LSM14B: variants seen among roughly 807,000 people sequenced by gnomAD.
LSM14B encodes the protein LSM family member 14B.
In LSM14B, 8 loss-of-function variants were observed where a neutral mutation model predicts 42.1. The ratio of observed to expected loss-of-function variants is 0.19; its 90% CI spans 0.11 to 0.34. LSM14B has a LOEUF of 0.34. LSM14B is among the 10% of genes least tolerant of loss of function. The pLI, the probability that LSM14B is intolerant of heterozygous loss-of-function variation, is 1.00. For missense variants in LSM14B, 396 were observed against 513.1 expected, an observed-to-expected ratio of 0.77 and a Z score of 2.21; for synonymous variants, 219 against 209.7, an observed-to-expected ratio of 1.04 and a Z score of -0.38.
At chr20:62,127,873 T>G (rs1213739184) in intron 3 of LSM14B, 4 of 715,700 alleles carry the variant, frequency 5.6e-6, no homozygotes, top group Non-Finnish European at 1.0e-5. Context: ...ACTCTCAGTG[T>G]TAAAGAAGGG....
At chr20:62,133,172 TC>T in intron 7 of LSM14B, 117 bp from the exon 8 acceptor site, 1 of 1,283,476 alleles carries the variant, frequency 7.8e-7, no homozygotes, top group Non-Finnish European at 1.1e-6. Flanking sequence ...GGCCGCCCCT[TC>T]CCTGTAGTGG....
rs200356716 is a variant in LSM14B, at chr20:62,133,443, C to T, written c.1140C>T (p.Ala380=). 9.5e-5 allele frequency: 153 copies of T among 1,612,614 alleles called. No individual in the cohort carries two copies. In the African/African-American group the frequency reaches 1.5e-3, roughly 16 times the overall value. ...TTRRNPTSHR[A]GTGRV ...GTCGCAACCCCACTTCCCACAGGGC[C>T]GGGACTGGCAGGGTGTGAGGGTGCA... Residue 380 remains alanine, a synonymous_variant, in exon 8 of 9, where the codon GCC becomes GCT. Transcript: ENST00000279068.
Position 62,133,431 on chromosome 20 carries a change from T to C in LSM14B, c.1128T>C (p.Thr376=), listed in dbSNP as rs1429947618. The C allele has an allele frequency of 2.5e-6, 4 of 1,612,860 alleles. No homozygotes were observed. In the African/African-American group the frequency reaches 4.0e-5, roughly 16 times the overall value. Residue 376 remains threonine (T), a synonymous_variant, in exon 8 of 9, where the codon ACT becomes ACC. Coordinates refer to ENST00000279068, the MANE Select transcript of LSM14B (RefSeq NM_144703.3). Reference sequence around the variant, plus strand: ...ATGGGACCACCCGTCGCAACCCCACTTCCCACAGGGCCGGGACTGGCAGGG... The same window carrying C: ...ATGGGACCACCCGTCGCAACCCCACCTCCCACAGGGCCGGGACTGGCAGGG... ...RGNGTTRRNP[T]SHRAGTGRV is the part of the protein sequence containing the mutation.
intron 3 of LSM14B, chr20:62,128,056 A>G: frequency 1.8e-6 from 1 of 554,656 alleles, no homozygotes; most frequent in Non-Finnish European, 3.2e-6. Flanking sequence ...GGACTCCCCA[A>G]AGCACCTGAC....
At position 62,130,445 on chromosome 20, in the gene LSM14B, G is replaced by A; in HGVS notation, c.674-85G>A. On this transcript the variant is annotated intron_variant, in intron 5 of 8. Coordinates refer to ENST00000279068, the MANE Select transcript of LSM14B (RefSeq NM_144703.3). The surrounding 1 kb of genome is among the most constrained non-coding windows in gnomAD (Gnocchi z 4.1). The stretch of plus-strand genomic sequence containing the variant: ...GCTCTGTTCCTTCTGTGGCCTTGGG[G>A]GTGTGCCTGGAAATTCCTTGTGAGG... 6.4e-7 allele frequency: 1 copy of A among 1,556,178 alleles called. No homozygotes were observed. Among genetic ancestry groups the A allele is most frequent in the South Asian group, 1.2e-5 (1 of 84,340 alleles).
intron 3 of LSM14B, among the ~76,000 whole-genome samples, chr20:62,128,324 T>C (rs190939475): frequency 1.3e-5 from 2 of 152,354 alleles, no homozygotes; most frequent in East Asian, 3.9e-4. Context: ...TGTATGTTTG[T>C]GTTACACATA....
At chr20:62,126,476 C>T (rs761862693) in intron 3 of LSM14B, 37 bp downstream of exon 3, 22 of 1,597,120 alleles carry the variant, frequency 1.4e-5, no homozygotes, top group Admixed American at 1.3e-4. Flanking sequence ...ACTACCCTTG[C>T]GTGTAACTGT....
chr20:62,133,832 C>T (rs888247343), intron 8 of LSM14B, among the ~76,000 whole-genome samples: 2 of 152,232 alleles, frequency 1.3e-5, no homozygotes, highest in African/African-American at 4.8e-5. Flanking sequence ...CTAAGTGAAT[C>T]AGAGGCTTCA....
chr20:62,129,967 C>T lies in LSM14B; in HGVS notation c.595+15C>T. The T allele has an allele frequency of 6.3e-7, 1 of 1,598,504 alleles. No homozygotes were observed. Among genetic ancestry groups the T allele is most frequent in the South Asian group, 1.1e-5 (1 of 88,802 alleles). On this transcript the variant is annotated intron_variant, in intron 4 of 8. Coordinates refer to ENST00000279068, the MANE Select transcript of LSM14B (RefSeq NM_144703.3). ...GACGGCCAGCGGTACTTGAACACAT[C>T]ATTTCCTGGAGTTTGCTTGATGTTC...
At position 62,131,360 on chromosome 20, in the gene LSM14B, C is replaced by A. The variant is rs747918547; in HGVS notation, c.840C>A (p.Asp280Glu). The A allele has an allele frequency of 6.3e-7, 1 of 1,593,578 alleles. No individual in the cohort carries two copies. Among genetic ancestry groups the A allele is most frequent in the Admixed American group, 1.7e-5 (1 of 57,844 alleles). ...EFKKKLNFKD[D>E]KAEKGEEKDL... ...GTGTTCTGCTTCTTTTTGTAGATGA[C>A]AAGGCTGAGAAGGGGGAAGAGAAGG... Residue 280 changes from aspartate to glutamate, a missense_variant, in exon 7 of 9, where the codon GAC becomes GAA. By Grantham distance (45) the Asp-to-Glu change is conservative (BLOSUM62 2). Transcript: ENST00000279068.
chr20:62,122,910 C>T lies in LSM14B; in HGVS notation c.127+117C>T, dbSNP rs1006619155. 2.3e-5 allele frequency: 22 copies of T among 960,402 alleles called. No individual in the cohort carries two copies. Among genetic ancestry groups the T allele is most frequent in the Non-Finnish European group, 2.8e-5 (21 of 747,190 alleles). The allele number at this position is 960,402 out of a possible 1,614,324, so 59.5% of individuals were successfully genotyped here. A position where few individuals can be genotyped will look rare whatever the true frequency, so the allele number is the denominator to read the frequency against. On this transcript the variant is annotated intron_variant, in intron 1 of 8. Transcript: ENST00000279068. This position sits in a 1 kb window ranked among gnomAD's most constrained non-coding sequence, Gnocchi z 4.6. ...CTGGCGCCCAGACCCCGCCCAGAAC[C>T]CACCCAGGGCACACCCGGCCCGAGA... is the stretch of plus-strand genomic sequence containing the variant.
At position 62,130,173 on chromosome 20, in the gene LSM14B, C is replaced by T. The variant is rs376064509; in HGVS notation, c.596-46C>T. 1.6e-5 allele frequency: 25 copies of T among 1,554,320 alleles called. No individual in the cohort carries two copies. Among genetic ancestry groups the T allele is most frequent in the East Asian group, 4.8e-5 (2 of 41,260 alleles). On this transcript the variant is annotated intron_variant, in intron 4 of 8. Transcript: ENST00000279068. This position sits in a 1 kb window ranked among gnomAD's most constrained non-coding sequence, Gnocchi z 4.1. ...GCTTCCACAGCTGGGTTCTGGCTTC[C>T]GGCTGCTATAGGAGCTTTGCCTTAC...
At chr20:62,132,992 C>G (rs1290136684) in intron 7 of LSM14B, among the ~76,000 whole-genome samples, 2 of 152,200 alleles carry the variant, frequency 1.3e-5, no homozygotes, top group Non-Finnish European at 2.9e-5. Context: ...CCTCTCTGTG[C>G]CCAGCGAGCA....
chr20:62,134,099 G>T, intron 8 of LSM14B, 64 bp from the exon 9 acceptor site: 1 of 381,758 alleles, frequency 2.6e-6, no homozygotes, highest in South Asian at 2.0e-5. Context: ...GCTCCTGCTC[G>T]CCAGCAGGGG....
At position 62,130,072 on chromosome 20, in the gene LSM14B, T is replaced by C. The variant is rs1451286607; in HGVS notation, c.595+120T>C. On this transcript the variant is annotated intron_variant, in intron 4 of 8. Coordinates refer to ENST00000279068, the MANE Select transcript of LSM14B (RefSeq NM_144703.3). This position sits in a 1 kb window ranked among gnomAD's most constrained non-coding sequence, Gnocchi z 4.1. ...CTACTCCCCCATCCTAAGCCCCATG[T>C]GCTTTTGCAGGGCAGGCCTGTGCAG... 1 of 1,422,482 alleles carries C rather than the reference T, an allele frequency of 7.0e-7. No individual in the cohort carries two copies. The highest frequency in any genetic ancestry group is 1.4e-5 in the African/African-American group (1 of 69,312). The allele number at this position is 1,422,482 out of a possible 1,614,324, so 88.1% of individuals were successfully genotyped here. A position where few individuals can be genotyped will look rare whatever the true frequency, so the allele number is the denominator to read the frequency against.
At chr20:62,128,382 T>G (rs2056665479) in intron 3 of LSM14B, among the ~76,000 whole-genome samples, 1 of 152,264 alleles carries the variant, frequency 6.6e-6, no homozygotes, top group Admixed American at 6.5e-5. Flanking sequence ...CTGGTCCAGG[T>G]TGATGCCTGG....
Position 62,130,851 on chromosome 20 carries a change from C to T in LSM14B, c.835+160C>T, listed in dbSNP as rs2056746635. 6.6e-6 allele frequency among the ~76,000 whole-genome samples: 1 copy of T among 152,130 alleles called. No homozygotes were observed. Among genetic ancestry groups the T allele is most frequent in the Non-Finnish European group, 1.5e-5 (1 of 68,030 alleles). On this transcript the variant is annotated intron_variant, in intron 6 of 8. Transcript: ENST00000279068. This position sits in a 1 kb window ranked among gnomAD's most constrained non-coding sequence, Gnocchi z 4.1. Reference sequence around the variant, plus strand: ...CTGAGGTCAGGAGTTCAACACCAGCCTGGCCAACACAATGAAACCCCATCT... The same window carrying T: ...CTGAGGTCAGGAGTTCAACACCAGCTTGGCCAACACAATGAAACCCCATCT...
chr20:62,126,375 G>A lies in LSM14B; in HGVS notation c.363G>A (p.Ala121=), dbSNP rs751539033. 6.2e-7 allele frequency: 1 copy of A among 1,612,754 alleles called. No homozygotes were observed. The highest frequency in any genetic ancestry group is 1.3e-5 in the African/African-American group (1 of 75,058). ...HVPYSPFRGM[A]PYGPLAASSL... is the part of the protein sequence containing the mutation. ...CTTACAGCCCTTTCCGAGGGATGGC[G>A]CCCTACGGCCCGCTGGCGGCCAGCT... The change falls in exon 3 of 9, where the codon GCG becomes GCA. Residue 121 remains alanine (A), a synonymous_variant. Coordinates refer to ENST00000279068, the MANE Select transcript of LSM14B (RefSeq NM_144703.3).
chr20:62,133,601 C>T (rs1445921065), intron 8 of LSM14B, 126 bp downstream of exon 8: 2 of 1,137,782 alleles, frequency 1.8e-6, no homozygotes, highest in East Asian at 5.6e-5. Flanking sequence ...GGTGTCAAAG[C>T]CAAACCGAGG....
Sources: allele counts gnomAD v4.1 joint callset (sites outside exome capture counted in the v4.1 genomes callset), GRCh38; gene constraint gnomAD v4.1.1; non-coding constraint Gnocchi (gnomAD v3.1); transcripts MANE v1.5; gene names NCBI Gene and HGNC (gene_info 2026-07-23, HGNC 2026-07-21).